Variants in CRIPTO observed in about 807,000 individuals in gnomAD.
CRIPTO encodes cripto, EGF-CFC family member, also known as protein Cripto.
the CRIPTO span, chr3:46,579,608 G>A: frequency 8.1e-7 from 1 of 1,239,208 alleles, no homozygotes; most frequent in South Asian, 1.2e-5. Flanking sequence ...GCATGAAAAT[G>A]ACTTCTCTGC....
the CRIPTO span, chr3:46,581,355 A>G: frequency 4.3e-6 from 4 of 928,174 alleles, no homozygotes; most frequent in Non-Finnish European, 7.1e-6. Flanking sequence ...GATCATTTGT[A>G]GTTGCCTTAA....
the CRIPTO span, chr3:46,577,824 G>A: frequency 3.2e-5 from 30 of 938,976 alleles, no homozygotes; most frequent in South Asian, 3.7e-4. Context: ...CTTCTGCTAC[G>A]ACCTTCTGGG....
At chr3:46,578,165 G>T in the CRIPTO span, among the ~76,000 whole-genome samples, 2 of 152,220 alleles carry the variant, frequency 1.3e-5, no homozygotes, top group Admixed American at 1.3e-4. Context: ...ATTTCACATG[G>T]TTACTTCTAA....
At chr3:46,579,033 G>A in the CRIPTO span, 1 of 1,582,252 alleles carries the variant, frequency 6.3e-7, no homozygotes, top group Admixed American at 1.7e-5. Context: ...GGACCTGGGT[G>A]TTAACTTGTA....
At chr3:46,579,369 A>G in the CRIPTO span, 1 of 1,614,044 alleles carries the variant, frequency 6.2e-7, no homozygotes, top group Non-Finnish European at 8.5e-7. Context: ...ACAGCACAGT[A>G]AGAACTGCCT....
the CRIPTO span, among the ~76,000 whole-genome samples, chr3:46,575,052 G>T: frequency 6.6e-6 from 1 of 152,202 alleles, no homozygotes; most frequent in African/African-American, 2.4e-5. Flanking sequence ...CCCAATCCTA[G>T]GCCTGACCTT....
the CRIPTO span, among the ~76,000 whole-genome samples, chr3:46,575,762 C>A: frequency 6.6e-6 from 1 of 152,324 alleles, no homozygotes; most frequent in Admixed American, 6.5e-5. Context: ...ACATCCAAAT[C>A]CCCCAATAGA....
the CRIPTO span, chr3:46,580,033 T>C: frequency 6.2e-7 from 1 of 1,614,268 alleles, no homozygotes; most frequent in Non-Finnish European, 8.5e-7. Context: ...GCTCCGCTGC[T>C]TTCCTCAGGC....
At chr3:46,576,697 T>C in the CRIPTO span, among the ~76,000 whole-genome samples, 1 of 152,144 alleles carries the variant, frequency 6.6e-6, no homozygotes, top group Non-Finnish European at 1.5e-5. Context: ...CTGGCAACAT[T>C]AAGTAACCGT....
At chr3:46,581,250 A>G in the CRIPTO span, 3 of 1,603,538 alleles carry the variant, frequency 1.9e-6, no homozygotes, top group African/African-American at 1.3e-5. Flanking sequence ...GCTACTATTA[A>G]TCGACATTGA....
the CRIPTO span, chr3:46,577,991 C>T: frequency 1.2e-6 from 2 of 1,614,168 alleles, no homozygotes; most frequent in Non-Finnish European, 1.7e-6. Flanking sequence ...GAAGATGGCC[C>T]GCTTCTCTTA....
the CRIPTO span, chr3:46,581,597 C>G: frequency 1.8e-6 from 1 of 565,814 alleles, no homozygotes; most frequent in African/African-American, 1.9e-5. Flanking sequence ...GCAACCTCCG[C>G]ATCCGGGGTT....
chr3:46,576,274 A>G, the CRIPTO span, among the ~76,000 whole-genome samples: 2 of 151,938 alleles, frequency 1.3e-5, no homozygotes, highest in African/African-American at 4.8e-5. Context: ...TTGAGACCAG[A>G]CTGACCAACA....
At chr3:46,580,053 C>G in the CRIPTO span, 13 of 1,614,224 alleles carry the variant, frequency 8.1e-6, no homozygotes, top group East Asian at 2.7e-4. Flanking sequence ...CATTTCTACC[C>G]GGCTGTGGTA....
At chr3:46,580,795 A>G in the CRIPTO span, among the ~76,000 whole-genome samples, 2 of 152,220 alleles carry the variant, frequency 1.3e-5, no homozygotes, top group African/African-American at 4.8e-5. Flanking sequence ...CAAACATTTC[A>G]CTGAGAACAG....
chr3:46,578,632 T>C, the CRIPTO span, among the ~76,000 whole-genome samples: 5,354 of 152,128 alleles, frequency 0.035, 214 homozygotes, highest in East Asian at 0.16. Flanking sequence ...TTGCTTGAAC[T>C]GGGGAGGGGA....
chr3:46,579,358 TAC>T, the CRIPTO span: 5 of 1,614,002 alleles, frequency 3.1e-6, no homozygotes, highest in Non-Finnish European at 4.2e-6. Context: ...CCCATGGGGA[TAC>T]AGCACAGTAA....
chr3:46,578,600 T>C, the CRIPTO span, among the ~76,000 whole-genome samples: 1 of 152,014 alleles, frequency 6.6e-6, no homozygotes, highest in African/African-American at 2.4e-5. Flanking sequence ...TCCCAGCTAC[T>C]CTGGAGGCTG....
the CRIPTO span, chr3:46,581,599 T>C: frequency 1.2e-5 from 7 of 564,542 alleles, no homozygotes; most frequent in Admixed American, 3.5e-5. Context: ...AACCTCCGCA[T>C]CCGGGGTTCA....
Sources: gnomAD v4.1 joint callset for allele counts (sites outside exome capture counted in the v4.1 genomes callset) on GRCh38, gnomAD v4.1.1 for gene constraint, MANE v1.5 for transcripts, NCBI Gene and HGNC (gene_info 2026-07-23, HGNC 2026-07-21) for gene names.